Variants in RPTOR observed in about 807,000 individuals in gnomAD.
The protein encoded by RPTOR is regulatory-associated protein of mTOR.
A neutral mutation model predicts 169.9 loss-of-function variants in RPTOR; 21 were observed. The observed-to-expected ratio is 0.12, with a 90% CI of 0.09 to 0.18. RPTOR has a LOEUF of 0.18. Ranked by LOEUF, RPTOR falls within the 10% of genes least tolerant of loss-of-function variation. RPTOR has a pLI of 1.00. For missense variants in RPTOR, 1,133 were observed against 1,855.9 expected, an observed-to-expected ratio of 0.61 and a Z score of 7.16; for synonymous variants, 732 against 753.2, an observed-to-expected ratio of 0.97 and a Z score of 0.46.
chr17:80,779,912 C>A (rs891289920), intron 6 of RPTOR, among the ~76,000 whole-genome samples: 1 of 152,152 alleles, frequency 6.6e-6, no homozygotes, highest in Admixed American at 6.5e-5. Flanking sequence ...GGGTGCTCTT[C>A]CTTAGCCCCC....
rs117368336 is a variant in RPTOR at position 80,618,996 on chromosome 17, A to T, written c.163-6695A>T. Among the ~76,000 whole-genome samples, 206 of 152,272 alleles carry T rather than the reference A, an allele frequency of 1.4e-3. 1 individual carries two copies. The highest frequency in any genetic ancestry group is 2.2e-3 in the Non-Finnish European group (150 of 68,020). ...ACCCGCCTCCCCTTCCCTGCGAGGTATATCTACTCTCTTTGCTATGTGTTC... is the reference window on the plus strand; with the variant it reads ...ACCCGCCTCCCCTTCCCTGCGAGGTTTATCTACTCTCTTTGCTATGTGTTC... On this transcript the variant is annotated intron_variant, in intron 1 of 33. Transcript: ENST00000306801.
chr17:80,569,341 T>C lies in RPTOR; in HGVS notation c.162+23550T>C, dbSNP rs552866266. The stretch of plus-strand genomic sequence containing the variant: ...TTTACTTGTAGATCAGCTGCCTTCT[T>C]ATAGGGCTTGTTTGCTGTCTTTTAA... On this transcript the variant is annotated intron_variant, in intron 1 of 33. Coordinates refer to ENST00000306801, the MANE Select transcript of RPTOR (RefSeq NM_020761.3). Among the ~76,000 whole-genome samples the C allele has an allele frequency of 1.2e-4, 18 of 152,256 alleles. No homozygotes were observed. The South Asian group carries it at 3.7e-3, about 32-fold the overall frequency.
chr17:80,606,133 T>C (rs1043272141), intron 1 of RPTOR, among the ~76,000 whole-genome samples: 1 of 152,094 alleles, frequency 6.6e-6, no homozygotes, highest in Non-Finnish European at 1.5e-5. Context: ...TGCCTCAGCC[T>C]CCCAAGTAGC....
At chr17:80,584,000 G>A (rs2065038970) in intron 1 of RPTOR, among the ~76,000 whole-genome samples, 1 of 152,206 alleles carries the variant, frequency 6.6e-6, no homozygotes, top group Non-Finnish European at 1.5e-5. Flanking sequence ...GGCGGTGAAG[G>A]TGCTGTTGGT....
At chr17:80,698,387 G>A (rs1287741031) in intron 3 of RPTOR, among the ~76,000 whole-genome samples, 1 of 151,862 alleles carries the variant, frequency 6.6e-6, no homozygotes, top group East Asian at 1.9e-4. Flanking sequence ...GTGACGGGAC[G>A]GAGCAAAGAA....
intron 17 of RPTOR, among the ~76,000 whole-genome samples, chr17:80,885,837 G>A (rs746622368): frequency 2.0e-5 from 3 of 152,182 alleles, no homozygotes; most frequent in East Asian, 1.9e-4. Flanking sequence ...CACCGCGCCC[G>A]GCCAAAACAG....
chr17:80,910,288 A>T (rs1371846419), intron 21 of RPTOR, among the ~76,000 whole-genome samples: 1 of 152,140 alleles, frequency 6.6e-6, no homozygotes, highest in East Asian at 1.9e-4. Flanking sequence ...TCTCTCAGGG[A>T]TCACAAGCCC....
At chr17:80,720,068 G>A (rs899373047) in intron 4 of RPTOR, among the ~76,000 whole-genome samples, 8 of 152,192 alleles carry the variant, frequency 5.3e-5, no homozygotes, top group Admixed American at 1.3e-4. Flanking sequence ...TTGGGAGGCC[G>A]AGGCGGGCGG....
intron 11 of RPTOR, among the ~76,000 whole-genome samples, chr17:80,848,876 G>A (rs1031655011): frequency 7.2e-5 from 11 of 152,222 alleles, no homozygotes; most frequent in African/African-American, 2.4e-4. Flanking sequence ...AGGAGAAGAC[G>A]TGCTGGAGGC....
At chr17:80,852,000 T>A (rs546704333) in intron 11 of RPTOR, among the ~76,000 whole-genome samples, 2 of 152,338 alleles carry the variant, frequency 1.3e-5, no homozygotes, top group Admixed American at 1.3e-4. Context: ...TGGCGAGACC[T>A]GCCTCCTCTC....
At chr17:80,628,719 T>A (rs2065415433) in intron 2 of RPTOR, among the ~76,000 whole-genome samples, 1 of 152,144 alleles carries the variant, frequency 6.6e-6, no homozygotes, top group South Asian at 2.1e-4. Flanking sequence ...TGGGCTCTAG[T>A]GGTCCTCTTG....
chr17:80,698,197 C>A (rs1328619718), intron 3 of RPTOR, among the ~76,000 whole-genome samples: 3 of 152,036 alleles, frequency 2.0e-5, no homozygotes. Context: ...GAGGATGGGC[C>A]AGAGGCAGAG....
intron 7 of RPTOR, among the ~76,000 whole-genome samples, chr17:80,816,369 G>A (rs2067323376): frequency 6.6e-6 from 1 of 152,208 alleles, no homozygotes; most frequent in African/African-American, 2.4e-5. Context: ...GGGGCCTCCG[G>A]GGTTTCGAGC....
chr17:80,814,316 A>T (rs2067302717), intron 7 of RPTOR, among the ~76,000 whole-genome samples: 1 of 152,042 alleles, frequency 6.6e-6, no homozygotes, highest in African/African-American at 2.4e-5. Context: ...AAAATCATCC[A>T]TTTTCTCCAG....
At position 80,964,665 on chromosome 17, in the gene RPTOR, T is replaced by A. The variant is rs759996301; in HGVS notation, c.*335T>A. 1 of 373,772 alleles carries A rather than the reference T, an allele frequency of 2.7e-6. No individual in the cohort carries two copies. Among genetic ancestry groups the A allele is most frequent in the Non-Finnish European group, 5.0e-6 (1 of 200,820 alleles). The allele number at this position is 373,772 out of a possible 1,614,324, so 23.2% of individuals were successfully genotyped here. The stretch of plus-strand genomic sequence containing the variant: ...GGGGAAACACCTCACTTTATTTCCA[T>A]GTAATCAGAGCATTAGCTGCAGAAA... On this transcript the variant is annotated 3_prime_UTR_variant, in exon 34 of 34. Transcript: ENST00000306801.
In RPTOR at chr17:80,641,105, C is replaced by T. The variant is rs151206558; in HGVS notation, c.266-2623C>T. 2.5e-3 allele frequency among the ~76,000 whole-genome samples: 388 copies of T among 152,312 alleles called. 2 individuals are homozygous for T. Among genetic ancestry groups the T allele is most frequent in the African/African-American group, 8.8e-3 (364 of 41,570 alleles). On this transcript the variant is annotated intron_variant, in intron 2 of 33. Coordinates refer to ENST00000306801, the MANE Select transcript of RPTOR (RefSeq NM_020761.3). ...GCCCCTATTTTTTGTTTTTCAGATC[C>T]CAATCCAATCCTATCTTGTGGGTCT...
At chr17:80,705,081 G>A (rs1424305230) in intron 3 of RPTOR, among the ~76,000 whole-genome samples, 1 of 152,234 alleles carries the variant, frequency 6.6e-6, no homozygotes, top group African/African-American at 2.4e-5. Context: ...CACGCTCCGT[G>A]CTTCTCTGAG....
chr17:80,739,399 CA>C (rs2066463835), intron 5 of RPTOR, among the ~76,000 whole-genome samples: 1 of 151,758 alleles, frequency 6.6e-6, no homozygotes, highest in African/African-American at 2.4e-5. Flanking sequence ...GGGCAGGAAA[CA>C]GGCATAGAGA....
chr17:80,872,292 C>G (rs980008688), intron 13 of RPTOR, among the ~76,000 whole-genome samples: 2 of 152,218 alleles, frequency 1.3e-5, no homozygotes, highest in Admixed American at 6.5e-5. Flanking sequence ...GCAGAATGGC[C>G]TCTTTTTAGC....
Sources: gnomAD v4.1 joint callset for allele counts (sites outside exome capture counted in the v4.1 genomes callset) on GRCh38, gnomAD v4.1.1 for gene constraint, MANE v1.5 for transcripts, NCBI Gene and HGNC (gene_info 2026-07-23, HGNC 2026-07-21) for gene names.